Variants in DYNC1I1 observed in about 807,000 individuals in gnomAD.
The protein encoded by DYNC1I1 is cytoplasmic dynein 1 intermediate chain 1.
DYNC1I1 carries 43 observed loss-of-function variants against 86.6 expected under a neutral mutation model. That is an observed-to-expected ratio of 0.50 (90% CI 0.39 to 0.64). The LOEUF (loss-of-function observed/expected upper bound fraction) is 0.64, where lower values mean the gene tolerates loss of function less well. DYNC1I1 is among the 30% of genes least tolerant of loss of function. DYNC1I1 has a pLI of 0.00. For missense variants in DYNC1I1, 604 were observed against 788.8 expected (o/e 0.77, Z 2.81); for synonymous variants, 262 against 283.7 (o/e 0.92, Z 0.77).
chr7:95,916,777 T>A (rs1204557325), intron 6 of DYNC1I1, among the ~76,000 whole-genome samples: 2 of 152,210 alleles, frequency 1.3e-5, no homozygotes, highest in African/African-American at 4.8e-5. Flanking sequence ...TAGAGGGCGC[T>A]GCTGGCTTAC....
intron 1 of DYNC1I1, among the ~76,000 whole-genome samples, chr7:95,790,644 G>C (rs1794275724): frequency 6.6e-6 from 1 of 152,172 alleles, no homozygotes; most frequent in Admixed American, 6.5e-5. Context: ...GAAAACTGCT[G>C]ACATAAAGTG....
At chr7:95,954,383 C>T (rs1009089181) in intron 6 of DYNC1I1, among the ~76,000 whole-genome samples, 1 of 151,748 alleles carries the variant, frequency 6.6e-6, no homozygotes, top group Non-Finnish European at 1.5e-5. Context: ...CCAGTTGCCA[C>T]GTGTGCTTCA....
At chr7:95,931,641 T>C (rs908822666) in intron 6 of DYNC1I1, among the ~76,000 whole-genome samples, 18 of 152,188 alleles carry the variant, frequency 1.2e-4, no homozygotes, top group Non-Finnish European at 1.9e-4. Flanking sequence ...TTTTTGTAAA[T>C]AAAGTTTTGT....
chr7:95,817,817 A>G (rs1343992542), intron 4 of DYNC1I1, among the ~76,000 whole-genome samples: 1 of 152,190 alleles, frequency 6.6e-6, no homozygotes, highest in African/African-American at 2.4e-5. Flanking sequence ...TTCAGCCAAC[A>G]TTTATTCTTC....
At chr7:96,070,469 C>A (rs1428816626) in intron 14 of DYNC1I1, among the ~76,000 whole-genome samples, 1 of 152,130 alleles carries the variant, frequency 6.6e-6, no homozygotes, top group Non-Finnish European at 1.5e-5. Context: ...TTTTGAAGGA[C>A]ATTTTCTTAT....
intron 1 of DYNC1I1, among the ~76,000 whole-genome samples, chr7:95,803,074 G>A (rs1269008410): frequency 2.6e-5 from 4 of 152,164 alleles, no homozygotes; most frequent in African/African-American, 4.8e-5. Flanking sequence ...GTCAGAGCAC[G>A]GACAAGCTTG....
intron 6 of DYNC1I1, among the ~76,000 whole-genome samples, chr7:95,969,610 A>G (rs559154311): frequency 1.3e-5 from 2 of 152,276 alleles, no homozygotes; most frequent in East Asian, 3.9e-4. Context: ...AATTCAATAC[A>G]TATTTACTAT....
intron 6 of DYNC1I1, among the ~76,000 whole-genome samples, chr7:95,896,183 A>G (rs1394076013): frequency 6.6e-6 from 1 of 152,074 alleles, no homozygotes; most frequent in Non-Finnish European, 1.5e-5. Flanking sequence ...GGACTAGAAC[A>G]TCCCTGCAGC....
intron 16 of DYNC1I1, among the ~76,000 whole-genome samples, chr7:96,080,782 A>G (rs1486296198): frequency 2.6e-5 from 4 of 152,138 alleles, no homozygotes; most frequent in Non-Finnish European, 5.9e-5. Context: ...GAGAATGAAA[A>G]GTTTAGAGGC....
chr7:96,055,769 G>A (rs1315339147), intron 14 of DYNC1I1: 1 of 152,084 alleles, frequency 6.6e-6, no homozygotes, highest in Non-Finnish European at 1.5e-5. Flanking sequence ...TCTTTCCAGA[G>A]TGAAGTAACT....
intron 7 of DYNC1I1, among the ~76,000 whole-genome samples, chr7:95,981,777 T>C (rs1022388490): frequency 1.3e-5 from 2 of 152,154 alleles, no homozygotes; most frequent in Admixed American, 1.3e-4. Context: ...AGAAAAACTA[T>C]TATCCATGCC....
intron 11 of DYNC1I1, among the ~76,000 whole-genome samples, chr7:96,032,400 A>G (rs1345869994): frequency 6.6e-6 from 1 of 152,028 alleles, no homozygotes; most frequent in Non-Finnish European, 1.5e-5. Context: ...ATCAAACCTC[A>G]TTTGTTCTAG....
At chr7:95,865,154 C>A (rs1395687473) in intron 5 of DYNC1I1, among the ~76,000 whole-genome samples, 1 of 152,130 alleles carries the variant, frequency 6.6e-6, no homozygotes, top group African/African-American at 2.4e-5. Flanking sequence ...TCTAGGATTT[C>A]TCGAATTTTG....
At chr7:95,807,107 A>C (rs1364320827) in intron 2 of DYNC1I1, among the ~76,000 whole-genome samples, 1 of 152,188 alleles carries the variant, frequency 6.6e-6, no homozygotes, top group African/African-American at 2.4e-5. Flanking sequence ...GAGATCAGCT[A>C]TCAGAGTAGA....
chr7:95,911,611 TA>T (rs1791338177), intron 6 of DYNC1I1, among the ~76,000 whole-genome samples: 1 of 152,076 alleles, frequency 6.6e-6, no homozygotes, highest in African/African-American at 2.4e-5. Context: ...AAGCAGGAAA[TA>T]ACACACTCTA....
intron 9 of DYNC1I1, among the ~76,000 whole-genome samples, chr7:95,990,556 G>T (rs1793705070): frequency 6.6e-6 from 1 of 152,066 alleles, no homozygotes; most frequent in Non-Finnish European, 1.5e-5. Context: ...GTCTCTATAA[G>T]GTTAAGTCAG....
Position 96,078,655 on chromosome 7 carries a change from T to C in DYNC1I1, c.1651-1708T>C, listed in dbSNP as rs187433416. 2.0e-4 allele frequency among the ~76,000 whole-genome samples: 30 copies of C among 152,296 alleles called. No homozygotes were observed. The East Asian group carries it at 5.6e-3, about 28-fold the overall frequency. ...AGTTTATTTTCAGTGATTTTTTTGT[T>C]ATATTCGTATTAAGATTAAACATTT... On this transcript the variant is annotated intron_variant, in intron 15 of 16. Coordinates refer to ENST00000447467, the MANE Select transcript of DYNC1I1 (RefSeq NM_001135556.2).
chr7:96,093,495 G>A (rs1162424728), intron 16 of DYNC1I1, among the ~76,000 whole-genome samples: 2 of 152,286 alleles, frequency 1.3e-5, no homozygotes, highest in African/African-American at 4.8e-5. Flanking sequence ...TATAAAAGGT[G>A]ATCTCTTTTA....
intron 6 of DYNC1I1, among the ~76,000 whole-genome samples, chr7:95,901,269 C>A (rs1275306847): frequency 3.9e-5 from 6 of 152,324 alleles, no homozygotes; most frequent in African/African-American, 1.2e-4. Flanking sequence ...TTCAGACCAA[C>A]TTGGACTGCC....
Sources: allele counts gnomAD v4.1 joint callset (sites outside exome capture counted in the v4.1 genomes callset), GRCh38; gene constraint gnomAD v4.1.1; transcripts MANE v1.5; gene names NCBI Gene and HGNC (gene_info 2026-07-23, HGNC 2026-07-21).